Variants in GALNT7 observed in about 807,000 individuals in gnomAD.
GALNT7 encodes polypeptide N-acetylgalactosaminyltransferase 7, also known as N-acetylgalactosaminyltransferase 7.
A neutral mutation model predicts 82.1 loss-of-function variants in GALNT7; 60 were observed. The ratio of observed to expected loss-of-function variants is 0.73; its 90% CI spans 0.59 to 0.91. GALNT7 has a LOEUF of 0.91. Ranked by LOEUF, GALNT7 falls within the 40% of genes least tolerant of loss-of-function variation. The probability of loss-of-function intolerance (pLI) is 0.00; values close to 1 mark genes in which losing one functional copy is unlikely to be tolerated. For missense variants in GALNT7, 660 were observed against 804.2 expected, an observed-to-expected ratio of 0.82 and a Z score of 2.17; for synonymous variants, 243 against 275.1, an observed-to-expected ratio of 0.88 and a Z score of 1.15.
intron 2 of GALNT7, among the ~76,000 whole-genome samples, chr4:173,291,794 G>T (rs1170152107): frequency 9.8e-6 from 1 of 101,812 alleles, no homozygotes; most frequent in South Asian, 3.2e-4. Flanking sequence ...TCCAGGTCAT[G>T]AAAAAAAAAA....
At chr4:173,213,537 A>T (rs1258746266) in intron 1 of GALNT7, among the ~76,000 whole-genome samples, 1 of 152,158 alleles carries the variant, frequency 6.6e-6, no homozygotes, top group Non-Finnish European at 1.5e-5. Context: ...GCTGTGGTGT[A>T]TAATATGAGT....
chr4:173,189,903 C>CT (rs1229103351), intron 1 of GALNT7, among the ~76,000 whole-genome samples: 2 of 152,010 alleles, frequency 1.3e-5, no homozygotes, highest in East Asian at 3.9e-4. Context: ...ATTCTGTTGA[C>CT]TCTGTGTGAA....
intron 2 of GALNT7, among the ~76,000 whole-genome samples, chr4:173,289,973 A>T (rs527346827): frequency 1.2e-4 from 18 of 152,336 alleles, no homozygotes; most frequent in Non-Finnish European, 1.8e-4. Flanking sequence ...GACATTACTG[A>T]GAACAAAATA....
intron 1 of GALNT7, among the ~76,000 whole-genome samples, chr4:173,178,577 T>G (rs1303232433): frequency 6.6e-6 from 1 of 152,204 alleles, no homozygotes; most frequent in Non-Finnish European, 1.5e-5. Flanking sequence ...CCTTCTGGGC[T>G]TCCCAGCCTT....
chr4:173,309,313 A>C (rs1737290130), intron 8 of GALNT7, among the ~76,000 whole-genome samples: 1 of 152,152 alleles, frequency 6.6e-6, no homozygotes, highest in South Asian at 2.1e-4. Context: ...CAAATGAGAT[A>C]TGTCATAGTC....
At chr4:173,188,162 A>G (rs1156319248) in intron 1 of GALNT7, among the ~76,000 whole-genome samples, 2 of 152,238 alleles carry the variant, frequency 1.3e-5, no homozygotes, top group Admixed American at 1.3e-4. Flanking sequence ...ACTCTTAGGT[A>G]TGTTTACATT....
chr4:173,311,569 G>A (rs558041168), intron 8 of GALNT7, among the ~76,000 whole-genome samples: 1 of 152,136 alleles, frequency 6.6e-6, no homozygotes, highest in South Asian at 2.1e-4. Flanking sequence ...AGAGAGAGAA[G>A]CAGGAAGGTG....
intron 3 of GALNT7, among the ~76,000 whole-genome samples, chr4:173,293,911 C>T (rs887891686): frequency 7.7e-4 from 117 of 152,242 alleles, no homozygotes; most frequent in African/African-American, 2.7e-3. Context: ...ATGCGTGTGA[C>T]TGATGTCATT....
intron 1 of GALNT7, among the ~76,000 whole-genome samples, chr4:173,227,704 T>C (rs1483972292): frequency 6.6e-6 from 1 of 152,214 alleles, no homozygotes; most frequent in Non-Finnish European, 1.5e-5. Context: ...ATCTCATGAA[T>C]GTCTCATGTT....
chr4:173,268,180 G>A (rs185250675), intron 2 of GALNT7: 16 of 154,686 alleles, frequency 1.0e-4, no homozygotes, highest in Admixed American at 8.5e-4. Flanking sequence ...AAAAGTGATC[G>A]TGGTTTTTGC....
chr4:173,221,365 C>T (rs1463584889), intron 1 of GALNT7, among the ~76,000 whole-genome samples: 1 of 152,100 alleles, frequency 6.6e-6, no homozygotes, highest in East Asian at 1.9e-4. Context: ...AGAGTTTCTT[C>T]CCTTATGGAG....
At chr4:173,204,725 A>G (rs1427563663) in intron 1 of GALNT7, among the ~76,000 whole-genome samples, 1 of 151,954 alleles carries the variant, frequency 6.6e-6, no homozygotes, top group African/African-American at 2.4e-5. Flanking sequence ...TCTTGACTTT[A>G]TTGAATTATT....
At chr4:173,265,941 A>G (rs1271978850) in intron 2 of GALNT7, among the ~76,000 whole-genome samples, 1 of 151,978 alleles carries the variant, frequency 6.6e-6, no homozygotes, top group African/African-American at 2.4e-5. Context: ...AACCTTGCTC[A>G]TAATATATTA....
At chr4:173,183,281 C>CT (rs760189702) in intron 1 of GALNT7, among the ~76,000 whole-genome samples, 3,176 of 142,154 alleles carry the variant, frequency 0.022, 103 homozygotes, top group African/African-American at 0.07. Context: ...ACACGCTGCA[C>CT]TTTTTTTTTT....
rs550094487 is a variant in GALNT7 at position 173,179,962 on chromosome 4, TTTA to T, written c.126+11006_126+11008del. On this transcript the variant is annotated intron_variant, in intron 1 of 11. Transcript: ENST00000265000. ...ATATTTTATATACTTTTTATTAACA[TTTA>T]TTATCGCAAAAATAGTTCCCTTACA... 1.7e-3 allele frequency among the ~76,000 whole-genome samples: 265 copies of T among 152,284 alleles called. 1 individual carries two copies. The highest frequency in any genetic ancestry group is 6.1e-3 in the African/African-American group (253 of 41,570).
Position 173,214,143 on chromosome 4 carries a change from AT to A in GALNT7, c.127-33835del, listed in dbSNP as rs149768416. 6.2e-3 allele frequency among the ~76,000 whole-genome samples: 950 copies of A among 152,282 alleles called. 7 individuals are homozygous for A. The highest frequency in any genetic ancestry group is 0.022 in the African/African-American group (914 of 41,570). ...AAATAACACACAACCCAGTGTTGTT[AT>A]TATTATTTTTTTGCAAGACCTAACT... On this transcript the variant is annotated intron_variant, in intron 1 of 11. Coordinates refer to ENST00000265000, the MANE Select transcript of GALNT7 (RefSeq NM_017423.3).
chr4:173,278,769 T>C (rs1736004607), intron 2 of GALNT7, among the ~76,000 whole-genome samples: 1 of 152,230 alleles, frequency 6.6e-6, no homozygotes, highest in South Asian at 2.1e-4. Context: ...AGTTGTAGCG[T>C]TGATCTCATA....
At chr4:173,264,651 C>T (rs1473454913) in intron 2 of GALNT7, among the ~76,000 whole-genome samples, 1 of 152,218 alleles carries the variant, frequency 6.6e-6, no homozygotes, top group Non-Finnish European at 1.5e-5. Context: ...GCTCCTCCAA[C>T]AAGTTTGGAA....
intron 1 of GALNT7, among the ~76,000 whole-genome samples, chr4:173,192,419 G>A (rs144379863): frequency 5.9e-4 from 90 of 152,184 alleles, no homozygotes; most frequent in Non-Finnish European, 1.0e-3. Context: ...ACTGAAAGCC[G>A]TCTCATCCCT....
Sources: gnomAD v4.1 joint callset for allele counts (sites outside exome capture counted in the v4.1 genomes callset) on GRCh38, gnomAD v4.1.1 for gene constraint, MANE v1.5 for transcripts, NCBI Gene and HGNC (gene_info 2026-07-23, HGNC 2026-07-21) for gene names.